Variants in CPNE4 observed in about 807,000 individuals in gnomAD.
CPNE4 encodes the protein copine-4.
Under a neutral mutation model 67.9 loss-of-function variants are expected in CPNE4, and 25 were observed. The ratio of observed to expected loss-of-function variants is 0.37; its 90% CI spans 0.27 to 0.51. The LOEUF is 0.51. Among genes scored for constraint, CPNE4 ranks in the 20% least tolerant of loss-of-function variants. CPNE4 has a pLI of 0.93. For missense variants in CPNE4, 464 were observed against 690.8 expected, an observed-to-expected ratio of 0.67 and a Z score of 3.68; for synonymous variants, 242 against 244.9, an observed-to-expected ratio of 0.99 and a Z score of 0.11.
Position 131,864,545 on chromosome 3 carries a change from C to T in CPNE4, c.180+40719G>A, listed in dbSNP as rs559496667. Among the ~76,000 whole-genome samples the T allele has an allele frequency of 2.6e-5, 4 of 151,816 alleles. No homozygotes were observed. In the South Asian group the frequency reaches 8.3e-4, roughly 32 times the overall value. ...TGTATAAGAATGCTTGTGAATTTTG[C>T]ACATTGATTTTGTATCCTGAGACTT... On this transcript the variant is annotated intron_variant, in intron 2 of 15. Transcript: ENST00000429747.
At chr3:131,551,032 C>T (rs2107644079) in intron 13 of CPNE4, among the ~76,000 whole-genome samples, 1 of 152,158 alleles carries the variant, frequency 6.6e-6, no homozygotes, top group Middle Eastern at 3.4e-3. Context: ...TATTGCTTGC[C>T]TTCCCCTATT....
rs527863323 is a variant in CPNE4, at chr3:131,558,752, C to T, written c.1062-3201G>A. 2.6e-5 allele frequency among the ~76,000 whole-genome samples: 4 copies of T among 152,082 alleles called. No individual in the cohort carries two copies. In the South Asian group the frequency reaches 6.2e-4, roughly 24 times the overall value. On this transcript the variant is annotated intron_variant, in intron 11 of 15. Transcript: ENST00000429747. ...AATGAAGCTCACAGCAATATGGCAT[C>T]TCAGGGCACCTAGACATTTAATAAA...
At chr3:131,959,204 T>G (rs61793591) in intron 1 of CPNE4, among the ~76,000 whole-genome samples, 5 of 47,054 alleles carry the variant, frequency 1.1e-4, no homozygotes, top group South Asian at 1.2e-3. Flanking sequence ...GTTTCACCGT[T>G]TTAGCCAGGA....
chr3:131,611,966 A>C (rs957849791), intron 7 of CPNE4, among the ~76,000 whole-genome samples: 1 of 152,160 alleles, frequency 6.6e-6, no homozygotes, highest in Non-Finnish European at 1.5e-5. Context: ...TGCAAAGCTT[A>C]CAGTAACCCA....
chr3:132,014,431 G>T (rs1460330264), intron 1 of CPNE4, among the ~76,000 whole-genome samples: 2 of 152,100 alleles, frequency 1.3e-5, no homozygotes, highest in Admixed American at 6.5e-5. Flanking sequence ...TAAGGGCTAG[G>T]GTCGCCTGAG....
chr3:131,700,054 CTT>C (rs3035263), intron 3 of CPNE4, 74 bp from the exon 4 acceptor site: 19,351 of 252,090 alleles, frequency 0.077, 27 homozygotes, highest in South Asian at 0.12. Flanking sequence ...TTTTTTAAAC[CTT>C]TTTTTTTTTT....
intron 7 of CPNE4, among the ~76,000 whole-genome samples, chr3:131,629,950 C>G (rs925700193): frequency 3.0e-5 from 4 of 131,410 alleles, no homozygotes; most frequent in Non-Finnish European, 6.0e-5. Flanking sequence ...CTCCCTCTCC[C>G]TTACTCTCAA....
At position 131,535,059 on chromosome 3, in the gene CPNE4, T is replaced by A. The variant is rs545582295; in HGVS notation, c.*136A>T. ...CATGCAAAAAAAATTGTCAGATAGTTAAAAATCACCAAAACGTGCTATTTT... is the reference window on the plus strand; with the variant it reads ...CATGCAAAAAAAATTGTCAGATAGTAAAAAATCACCAAAACGTGCTATTTT... On this transcript the variant is annotated 3_prime_UTR_variant, in exon 16 of 16. Coordinates refer to ENST00000429747, the MANE Select transcript of CPNE4 (RefSeq NM_130808.3). 21 of 955,734 alleles carry A rather than the reference T, an allele frequency of 2.2e-5. No individual in the cohort carries two copies. In the Admixed American group the frequency reaches 5.6e-4, roughly 26 times the overall value. 59.2% of individuals were successfully genotyped at this position (955,734 alleles called of 1,614,324 possible).
At chr3:131,769,699 T>G (rs1417638478) in intron 2 of CPNE4, among the ~76,000 whole-genome samples, 1 of 152,160 alleles carries the variant, frequency 6.6e-6, no homozygotes, top group African/African-American at 2.4e-5. Flanking sequence ...CTATCCTTCC[T>G]GGAAGAACAG....
At position 131,954,212 on chromosome 3, in the gene CPNE4, A is replaced by C. The variant is rs1176578266; in HGVS notation, c.-1-48768T>G. On this transcript the variant is annotated intron_variant, in intron 1 of 15. Coordinates refer to ENST00000429747, the MANE Select transcript of CPNE4 (RefSeq NM_130808.3). ...AAAATAAAGATACATAGAGAATGGA[A>C]GGAAAAATATGACATTGTATACTTT... Among the ~76,000 whole-genome samples, 3 of 152,314 alleles carry C rather than the reference A, an allele frequency of 2.0e-5. No homozygotes were observed. The East Asian group carries it at 5.8e-4, about 29-fold the overall frequency.
chr3:132,009,558 T>C (rs1391956950), intron 1 of CPNE4, among the ~76,000 whole-genome samples: 3 of 152,172 alleles, frequency 2.0e-5, no homozygotes, highest in East Asian at 1.9e-4. Flanking sequence ...CTGAGAAATT[T>C]GGGAAGATGC....
intron 8 of CPNE4, among the ~76,000 whole-genome samples, chr3:131,584,423 A>G (rs1938043663): frequency 6.6e-6 from 1 of 152,120 alleles, no homozygotes; most frequent in African/African-American, 2.4e-5. Flanking sequence ...TGAGTCAACC[A>G]TTTCCTCCTT....
chr3:131,697,387 T>C (rs975180175), intron 4 of CPNE4, among the ~76,000 whole-genome samples: 1 of 152,208 alleles, frequency 6.6e-6, no homozygotes, highest in South Asian at 2.1e-4. Flanking sequence ...TTACCATGTA[T>C]TCTGTGGCCA....
At chr3:132,010,303 A>G (rs191638797) in intron 1 of CPNE4, among the ~76,000 whole-genome samples, 5 of 152,238 alleles carry the variant, frequency 3.3e-5, no homozygotes, top group Non-Finnish European at 5.9e-5. Flanking sequence ...ACAGCTACAA[A>G]TAACCAAGCA....
chr3:131,607,528 C>T (rs989426368), intron 7 of CPNE4, among the ~76,000 whole-genome samples: 1 of 152,104 alleles, frequency 6.6e-6, no homozygotes, highest in Non-Finnish European at 1.5e-5. Flanking sequence ...TTTCTTCTGG[C>T]TATCATAACA....
rs1560321160 is a variant in CPNE4, at chr3:131,792,628, TATAC to T, written c.181-69007_181-69004del. 8.1e-3 allele frequency among the ~76,000 whole-genome samples: 875 copies of T among 107,712 alleles called. 91 individuals carry two copies. Among genetic ancestry groups the T allele is most frequent in the African/African-American group, 0.03 (809 of 26,968 alleles). 70.7% of individuals were successfully genotyped at this position (107,712 alleles called of 152,430 possible). ...GTGTGTGTGTATATATGTATATATA[TATAC>T]ACACGTGTATATATGTATATATACA... On this transcript the variant is annotated intron_variant, in intron 2 of 15. Coordinates refer to ENST00000429747, the MANE Select transcript of CPNE4 (RefSeq NM_130808.3).
chr3:131,785,878 ATTG>A (rs2083549343), intron 2 of CPNE4, among the ~76,000 whole-genome samples: 2 of 152,054 alleles, frequency 1.3e-5, no homozygotes, highest in South Asian at 4.1e-4. Context: ...TGTTTTATAT[ATTG>A]TTATCTTGAT....
chr3:131,796,279 C>T (rs190140963), intron 2 of CPNE4, among the ~76,000 whole-genome samples: 2 of 152,260 alleles, frequency 1.3e-5, no homozygotes, highest in East Asian at 1.9e-4. Context: ...CATCTTCAGC[C>T]TCGTTAACGA....
upstream of CPNE4, among the ~76,000 whole-genome samples, chr3:132,035,837 C>T (rs1008226669): frequency 1.3e-5 from 2 of 152,196 alleles, no homozygotes; most frequent in South Asian, 2.1e-4. Flanking sequence ...ATGACGGTCT[C>T]TTTCTGACAT....
Sources: allele counts gnomAD v4.1 joint callset (sites outside exome capture counted in the v4.1 genomes callset), GRCh38; gene constraint gnomAD v4.1.1; transcripts MANE v1.5; gene names NCBI Gene and HGNC (gene_info 2026-07-23, HGNC 2026-07-21).